Variants in RGS7 observed in about 807,000 individuals in gnomAD.
RGS7 encodes regulator of G protein signaling 7, also known as regulator of G-protein signaling 7.
A neutral mutation model predicts 81.1 loss-of-function variants in RGS7; 27 were observed. That is an observed-to-expected ratio of 0.33 (90% CI 0.25 to 0.46). RGS7 has a LOEUF of 0.46. Among genes scored for constraint, RGS7 ranks in the 20% least tolerant of loss-of-function variants. The pLI is 1.00. For missense variants in RGS7, 396 were observed against 607.4 expected (o/e 0.65, Z 3.66); for synonymous variants, 208 against 207.7 (o/e 1.00, Z -0.01).
intron 3 of RGS7, among the ~76,000 whole-genome samples, chr1:241,054,022 A>T (rs2061371635): frequency 6.6e-6 from 1 of 152,112 alleles, no homozygotes; most frequent in African/African-American, 2.4e-5. Flanking sequence ...CTAATATAAC[A>T]TCTATTCTTC....
intron 6 of RGS7, among the ~76,000 whole-genome samples, chr1:240,910,991 T>A (rs1231074564): frequency 6.6e-6 from 1 of 152,134 alleles, no homozygotes; most frequent in African/African-American, 2.4e-5. Context: ...GCCTGAGCCA[T>A]CATACCTGGC....
chr1:241,116,557 T>A (rs1391217191), intron 2 of RGS7, among the ~76,000 whole-genome samples: 1 of 152,110 alleles, frequency 6.6e-6, no homozygotes, highest in African/African-American at 2.4e-5. Context: ...TTATTTCCTA[T>A]AAGACTCCAA....
chr1:240,864,446 G>C (rs1035142088), intron 9 of RGS7, among the ~76,000 whole-genome samples: 1 of 152,120 alleles, frequency 6.6e-6, no homozygotes, highest in Non-Finnish European at 1.5e-5. Flanking sequence ...TCCCCAAACA[G>C]TTCAAAAAGT....
At chr1:241,230,246 C>T (rs919561124) in intron 2 of RGS7, among the ~76,000 whole-genome samples, 2 of 152,120 alleles carry the variant, frequency 1.3e-5, no homozygotes, top group East Asian at 3.8e-4. Context: ...CAGAGTCTTA[C>T]TCCATAGCCC....
intron 2 of RGS7, among the ~76,000 whole-genome samples, chr1:241,137,243 T>TTC (rs1377972870): frequency 2.6e-5 from 4 of 152,122 alleles, no homozygotes; most frequent in Non-Finnish European, 4.4e-5. Flanking sequence ...TGCTGTGAGC[T>TTC]CCTTGAGGGA....
At chr1:241,249,501 A>T (rs1253522792) in intron 2 of RGS7, among the ~76,000 whole-genome samples, 1 of 152,164 alleles carries the variant, frequency 6.6e-6, no homozygotes, top group Admixed American at 6.5e-5. Flanking sequence ...TCAGTAGTAT[A>T]AATTCCTTAA....
intron 2 of RGS7, among the ~76,000 whole-genome samples, chr1:241,209,905 G>GA: frequency 6.6e-6 from 1 of 152,070 alleles, no homozygotes; most frequent in South Asian, 2.1e-4. Flanking sequence ...AATCTTGACA[G>GA]AATCTTTAGA....
intron 2 of RGS7, among the ~76,000 whole-genome samples, chr1:241,108,161 G>A (rs904422523): frequency 1.3e-5 from 2 of 151,950 alleles, no homozygotes; most frequent in Non-Finnish European, 2.9e-5. Context: ...AAAAGTAGCT[G>A]GGCGTAGTGA....
chr1:241,220,873 C>A (rs1256794841), intron 2 of RGS7, among the ~76,000 whole-genome samples: 1 of 150,130 alleles, frequency 6.7e-6, no homozygotes, highest in Non-Finnish European at 1.5e-5. Flanking sequence ...TGCACTCCAG[C>A]CTGGGTGACA....
At chr1:240,960,567 T>TC (rs1228516697) in intron 4 of RGS7, among the ~76,000 whole-genome samples, 11 of 132,296 alleles carry the variant, frequency 8.3e-5, no homozygotes, top group African/African-American at 2.8e-4. Context: ...TTTTTTTTTT[T>TC]CCCAGAAGTC....
At chr1:240,796,765 T>C (rs527384629) in intron 18 of RGS7, among the ~76,000 whole-genome samples, 2 of 152,234 alleles carry the variant, frequency 1.3e-5, no homozygotes, top group South Asian at 4.1e-4. Flanking sequence ...CTGTTAAATT[T>C]CTCTCACGGA....
intron 2 of RGS7, among the ~76,000 whole-genome samples, chr1:241,270,188 A>T (rs1269038773): frequency 2.0e-5 from 3 of 152,014 alleles, no homozygotes; most frequent in African/African-American, 7.2e-5. Flanking sequence ...TGCATCCCTG[A>T]TCCTCTCACT....
intron 2 of RGS7, among the ~76,000 whole-genome samples, chr1:241,107,096 C>T (rs575925004): frequency 1.3e-4 from 20 of 152,254 alleles, no homozygotes; most frequent in Middle Eastern, 6.8e-3. Flanking sequence ...AACTCGAAGA[C>T]GGGCACATAA....
At chr1:241,327,039 G>GGAGT (rs2081567161) in intron 2 of RGS7, among the ~76,000 whole-genome samples, 1 of 24,024 alleles carries the variant, frequency 4.2e-5, no homozygotes, top group Admixed American at 3.3e-4. Context: ...AGGAAGGAAG[G>GGAGT]GAGGGAGGGG....
intron 18 of RGS7, 61 bp from the exon 19 acceptor site, chr1:240,776,274 G>T: frequency 8.2e-7 from 1 of 1,217,984 alleles, no homozygotes; most frequent in Non-Finnish European, 1.2e-6. Flanking sequence ...CTGAAAACCT[G>T]CTTAGTAGTA....
intron 2 of RGS7, among the ~76,000 whole-genome samples, chr1:241,208,203 C>T (rs2074033013): frequency 6.6e-6 from 1 of 152,072 alleles, no homozygotes; most frequent in Admixed American, 6.5e-5. Flanking sequence ...CGCGCCTGGA[C>T]CATCTTTGCC....
intron 2 of RGS7, among the ~76,000 whole-genome samples, chr1:241,276,840 A>G (rs980321118): frequency 2.6e-5 from 4 of 152,232 alleles, no homozygotes; most frequent in African/African-American, 9.6e-5. Flanking sequence ...TTTTTCTTGA[A>G]TAAACAAGTC....
rs1383353410 is a variant in RGS7, at chr1:240,868,865, C to A, written c.451-13G>T. The A allele has an allele frequency of 6.8e-6, 11 of 1,613,122 alleles. No homozygotes were observed. The highest frequency in any genetic ancestry group is 3.3e-5 in the Admixed American group (2 of 59,976). The stretch of plus-strand genomic sequence containing the variant: ...TGGCCAGGCTCTCCTGAAAAACATA[C>A]CCCAGGTGAAGACATTTGGTGTTCA... On this transcript the variant is annotated splice_polypyrimidine_tract_variant and intron_variant, in intron 7 of 18. Transcript: ENST00000440928. This position sits in a 1 kb window ranked among gnomAD's most constrained non-coding sequence, Gnocchi z 5.1.
intron 3 of RGS7, among the ~76,000 whole-genome samples, chr1:241,063,337 G>T (rs940949044): frequency 1.3e-5 from 2 of 152,236 alleles, no homozygotes; most frequent in East Asian, 3.9e-4. Context: ...CGAAGTGGAG[G>T]TTCAATCACT....
Sources: allele counts gnomAD v4.1 joint callset (sites outside exome capture counted in the v4.1 genomes callset), GRCh38; gene constraint gnomAD v4.1.1; non-coding constraint Gnocchi (gnomAD v3.1); transcripts MANE v1.5; gene names NCBI Gene and HGNC (gene_info 2026-07-23, HGNC 2026-07-21).